SIRPB1: variants seen among roughly 807,000 people sequenced by gnomAD.
SIRPB1 encodes signal regulatory protein beta 1, also known as signal-regulatory protein beta-1.
SIRPB1 carries 28 observed loss-of-function variants against 34.1 expected under a neutral mutation model. The observed-to-expected ratio is 0.82, with a 90% confidence interval of 0.61 to 1.12. The LOEUF (loss-of-function observed/expected upper bound fraction) is 1.12. Ranked by LOEUF, SIRPB1 falls within the 50% of genes most tolerant of loss-of-function variation. The pLI, the probability that SIRPB1 is intolerant of heterozygous loss-of-function variation, is 0.00. For missense variants in SIRPB1, 499 were observed against 507.0 expected (o/e 0.98, Z 0.15); for synonymous variants, 211 against 203.8 (o/e 1.04, Z -0.30).
At chr20:1,579,889 A>G (rs570531179) in intron 1 of SIRPB1, among the ~76,000 whole-genome samples, 31 of 148,018 alleles carry the variant, frequency 2.1e-4, no homozygotes, top group Non-Finnish European at 4.1e-4. Context: ...CAAAATTGTG[A>G]TAAGTCTGAG....
chr20:1,584,183 G>T lies in SIRPB1; in HGVS notation c.77-5489C>A. On this transcript the variant is annotated intron_variant, in intron 1 of 5. Coordinates refer to ENST00000381605, the MANE Select transcript of SIRPB1 (RefSeq NM_006065.5). ...ACATCATACCCAATGGTGAAAAGTT[G>T]TCACCTTTTACTCTAAGATCAGGAA... Among the ~76,000 whole-genome samples, 2 of 49,044 alleles carry T rather than the reference G, an allele frequency of 4.1e-5. 1 individual carries two copies. Among genetic ancestry groups the T allele is most frequent in the Non-Finnish European group, 7.8e-5 (2 of 25,492 alleles). The allele number at this position is 49,044 out of a possible 152,430, so 32.2% of individuals were successfully genotyped here.
intron 3 of SIRPB1, 26 bp downstream of exon 3, chr20:1,571,694 T>C (rs779166080): frequency 6.2e-7 from 1 of 1,611,556 alleles, no homozygotes; most frequent in Non-Finnish European, 8.5e-7. Context: ...AGGTGTGGGC[T>C]TGGGCTGGGT....
chr20:1,619,339 G>T (rs1157235903), intron 1 of SIRPB1, among the ~76,000 whole-genome samples: 1 of 152,160 alleles, frequency 6.6e-6, no homozygotes, highest in Non-Finnish European at 1.5e-5. Flanking sequence ...CAGGTCACAG[G>T]GGAGGGAGGA....
At position 1,619,967 on chromosome 20, in the gene SIRPB1, T is replaced by C. The variant is rs1354505126; in HGVS notation, c.-23A>G. On this transcript the variant is annotated 5_prime_UTR_variant, in exon 1 of 6. Coordinates refer to ENST00000381605, the MANE Select transcript of SIRPB1 (RefSeq NM_006065.5). ...CATTCTGGAGACCTTAGGAGCCTGC[T>C]CTGTCCAAACGTCTGTGCTGGGAAG... The C allele has an allele frequency of 6.2e-7, 1 of 1,609,262 alleles. No individual in the cohort carries two copies. The highest frequency in any genetic ancestry group is 1.1e-5 in the South Asian group (1 of 90,696).
At chr20:1,578,091 C>T (rs2091343032) in intron 2 of SIRPB1, 1 of 532,424 alleles carries the variant, frequency 1.9e-6, no homozygotes, top group African/African-American at 1.9e-5. Context: ...TTTGGAAACA[C>T]AAGAGCTGTA....
chr20:1,578,829 A>G lies in SIRPB1; in HGVS notation c.77-135T>C, dbSNP rs1190080748. On this transcript the variant is annotated intron_variant, in intron 1 of 5. Coordinates refer to ENST00000381605, the MANE Select transcript of SIRPB1 (RefSeq NM_006065.5). The stretch of plus-strand genomic sequence containing the variant: ...TTGAGCTCAGCCCACTACATGTATT[A>G]TCTCATTTAACCCTCACAACTGGCC... 9.5e-6 allele frequency: 7 copies of G among 738,462 alleles called. 1 individual carries two copies. The highest frequency in any genetic ancestry group is 3.3e-5 in the South Asian group (2 of 59,876). The allele number at this position is 738,462 out of a possible 1,614,324, so 45.7% of individuals were successfully genotyped here.
chr20:1,570,668 T>C lies in SIRPB1; in HGVS notation c.1084+137A>G, dbSNP rs954895974. On this transcript the variant is annotated intron_variant, in intron 4 of 5. Transcript: ENST00000381605. ...GAACCTTCTAAGTAGTGGTGACCCATGGAGTGTAGGATTTTAATGTAGACG... is the reference window on the plus strand; with the variant it reads ...GAACCTTCTAAGTAGTGGTGACCCACGGAGTGTAGGATTTTAATGTAGACG... The C allele has an allele frequency of 1.8e-5, 13 of 726,830 alleles. No homozygotes were observed. In the African/African-American group the frequency reaches 2.1e-4, roughly 12 times the overall value. The allele number at this position is 726,830 out of a possible 1,614,324, so 45.0% of individuals were successfully genotyped here. A position where few individuals can be genotyped will look rare whatever the true frequency, so the allele number is the denominator to read the frequency against.
chr20:1,565,083 TG>T lies in SIRPB1; in HGVS notation c.*416del, dbSNP rs746416899. 6.3e-5 allele frequency: 25 copies of T among 398,510 alleles called. No individual in the cohort carries two copies. Among genetic ancestry groups the T allele is most frequent in the Non-Finnish European group, 8.8e-5 (20 of 226,066 alleles). The allele number at this position is 398,510 out of a possible 1,614,324, so 24.7% of individuals were successfully genotyped here. On this transcript the variant is annotated 3_prime_UTR_variant, in exon 6 of 6. Coordinates refer to ENST00000381605, the MANE Select transcript of SIRPB1 (RefSeq NM_006065.5). ...TTCTTAAAATTGGTATAGGGGTTCA[TG>T]TGTATTCAGGAGGCAGTAGAGAACC...
At chr20:1,570,688 T>C (rs1454051569) in intron 4 of SIRPB1, 117 bp downstream of exon 4, 6 of 889,178 alleles carry the variant, frequency 6.7e-6, no homozygotes, top group Admixed American at 2.4e-5. Context: ...GATTTTAATG[T>C]AGACGTTAAA....
chr20:1,569,060 CT>C (rs1337010183), intron 4 of SIRPB1, among the ~76,000 whole-genome samples: 1 of 152,166 alleles, frequency 6.6e-6, no homozygotes, highest in East Asian at 1.9e-4. Context: ...ATGAACAACT[CT>C]ACACACATAA....
In SIRPB1 at chr20:1,570,792, G is replaced by T; in HGVS notation, c.1084+13C>A. On this transcript the variant is annotated intron_variant, in intron 4 of 5. Coordinates refer to ENST00000381605, the MANE Select transcript of SIRPB1 (RefSeq NM_006065.5). ...AGAAAAAGACAAAATTTAAAAATGG[G>T]AAGTAACCGCACCATGGGTGATATC... 6.4e-7 allele frequency: 1 copy of T among 1,565,408 alleles called. No individual in the cohort carries two copies. Among genetic ancestry groups the T allele is most frequent in the Non-Finnish European group, 8.7e-7 (1 of 1,153,484 alleles).
At chr20:1,618,050 T>C (rs1024086057) in intron 1 of SIRPB1, among the ~76,000 whole-genome samples, 3 of 152,118 alleles carry the variant, frequency 2.0e-5, no homozygotes, top group Non-Finnish European at 4.4e-5. Flanking sequence ...CATTCACAAA[T>C]ATATATCAAA....
chr20:1,614,690 T>C (rs1432484315), intron 1 of SIRPB1, among the ~76,000 whole-genome samples: 2 of 152,086 alleles, frequency 1.3e-5, no homozygotes, highest in Non-Finnish European at 2.9e-5. Context: ...TTCATGGCCA[T>C]GTTAGAGTGA....
intron 3 of SIRPB1, 111 bp from the exon 4 acceptor site, chr20:1,571,248 A>G: frequency 8.7e-7 from 1 of 1,147,350 alleles, no homozygotes; most frequent in Admixed American, 2.7e-5. Context: ...GGACAGTGCT[A>G]GGCAGGCAGC....
chr20:1,568,034 T>C (rs1274821632), intron 4 of SIRPB1, among the ~76,000 whole-genome samples: 1 of 152,178 alleles, frequency 6.6e-6, no homozygotes, highest in Non-Finnish European at 1.5e-5. Flanking sequence ...GATGGGGAAG[T>C]TGTGGGACCC....
chr20:1,566,781 G>T (rs1338856427), intron 4 of SIRPB1, among the ~76,000 whole-genome samples: 1 of 152,156 alleles, frequency 6.6e-6, no homozygotes, highest in Admixed American at 6.5e-5. Flanking sequence ...TTCAGAGTGA[G>T]AGAGTTGCAT....
At chr20:1,617,700 T>A (rs2091650038) in intron 1 of SIRPB1, among the ~76,000 whole-genome samples, 1 of 152,158 alleles carries the variant, frequency 6.6e-6, no homozygotes, top group African/African-American at 2.4e-5. Context: ...ACCACAGAAA[T>A]GATACATATA....
At chr20:1,573,703 C>A (rs185182800) in intron 2 of SIRPB1, among the ~76,000 whole-genome samples, 6 of 147,796 alleles carry the variant, frequency 4.1e-5, no homozygotes, top group African/African-American at 1.2e-4. Flanking sequence ...CACTTCAATC[C>A]TCCTTCTATT....
At position 1,562,676 on chromosome 20, in the gene SIRPB1, G is replaced by A. The variant is rs2091090560; in HGVS notation, c.*2824C>T. Reference sequence around the variant, plus strand: ...TCCACAAATCACCATGGTAATAAAAGCTCGTCATGATCAGTAACCAGTCAT... The same window carrying A: ...TCCACAAATCACCATGGTAATAAAAACTCGTCATGATCAGTAACCAGTCAT... On this transcript the variant is annotated 3_prime_UTR_variant, in exon 6 of 6. Transcript: ENST00000381605. 6.6e-6 allele frequency among the ~76,000 whole-genome samples: 1 copy of A among 152,160 alleles called. No individual in the cohort carries two copies.
Sources: gnomAD v4.1 joint callset for allele counts (sites outside exome capture counted in the v4.1 genomes callset) on GRCh38, gnomAD v4.1.1 for gene constraint, MANE v1.5 for transcripts, NCBI Gene and HGNC (gene_info 2026-07-23, HGNC 2026-07-21) for gene names.